PTGER3: variants seen among roughly 807,000 people sequenced by gnomAD.
PTGER3 encodes the protein prostaglandin E2 receptor EP3 subtype.
A neutral mutation model predicts 34.7 loss-of-function variants in PTGER3; 22 were observed. That is an observed-to-expected ratio of 0.63 (90% CI 0.45 to 0.91). PTGER3 has a LOEUF of 0.91. Among genes scored for constraint, PTGER3 ranks in the 40% least tolerant of loss-of-function variants. PTGER3 has a pLI of 0.00. For synonymous variants in PTGER3, 241 were observed against 230.1 expected (o/e 1.05, Z -0.43); for missense variants, 468 against 519.4 (o/e 0.90, Z 0.96).
intron 4 of PTGER3, among the ~76,000 whole-genome samples, chr1:70,940,015 C>A (rs559347077): frequency 3.9e-5 from 6 of 152,268 alleles, no homozygotes; most frequent in Non-Finnish European, 8.8e-5. Context: ...TTAAGCTCTG[C>A]TTCTCTTATA....
intron 2 of PTGER3, chr1:71,010,439 A>T: frequency 1.0e-6 from 1 of 984,254 alleles, no homozygotes; most frequent in Non-Finnish European, 1.2e-6. Context: ...ATAAATATGT[A>T]TTAGACAGTT....
At chr1:70,986,060 C>T (rs1654879558) in intron 2 of PTGER3, among the ~76,000 whole-genome samples, 1 of 152,088 alleles carries the variant, frequency 6.6e-6, no homozygotes, top group South Asian at 2.1e-4. Flanking sequence ...CCACCAAAAC[C>T]AAGATGGCGA....
chr1:70,923,834 C>CA (rs2100456127), intron 4 of PTGER3, among the ~76,000 whole-genome samples: 1 of 152,300 alleles, frequency 6.6e-6, no homozygotes, highest in South Asian at 2.1e-4. Context: ...TAATTTATGG[C>CA]AACATAGTTA....
intron 4 of PTGER3, among the ~76,000 whole-genome samples, chr1:70,945,863 G>A (rs1650180308): frequency 6.6e-6 from 1 of 151,920 alleles, no homozygotes; most frequent in Admixed American, 6.6e-5. Context: ...TTTTGCCTAG[G>A]GCTCATTTTT....
chr1:70,980,767 C>T (rs956317524), intron 2 of PTGER3, among the ~76,000 whole-genome samples: 1 of 152,134 alleles, frequency 6.6e-6, no homozygotes, highest in Non-Finnish European at 1.5e-5. Flanking sequence ...ATTTATTATG[C>T]TAGCCTCACC....
intron 2 of PTGER3, among the ~76,000 whole-genome samples, chr1:70,957,053 G>T (rs1469940202): frequency 1.3e-5 from 2 of 152,128 alleles, no homozygotes; most frequent in Admixed American, 1.3e-4. Flanking sequence ...ATTTGTCTGT[G>T]TACAGGACAG....
chr1:70,961,019 G>A (rs903807391), intron 2 of PTGER3, among the ~76,000 whole-genome samples: 2 of 152,128 alleles, frequency 1.3e-5, no homozygotes, highest in Non-Finnish European at 2.9e-5. Context: ...GTCTGGAGTG[G>A]GGTCCCAATA....
Position 71,046,939 on chromosome 1 carries a change from C to A in PTGER3, c.639G>T (p.Gly213=), listed in dbSNP as rs761004889. The A allele has an allele frequency of 7.5e-6, 12 of 1,607,752 alleles. No homozygotes were observed. In the South Asian group the frequency reaches 1.3e-4, roughly 18 times the overall value. The part of the protein sequence containing the change: ...WPGTWCFIST[G]RGGNGTSSSH... ...AAGAGCTAGTCCCGTTGCCCCCTCGCCCGGTGCTGATGAAGCACCACGTCC... is the reference window on the plus strand; with the variant it reads ...AAGAGCTAGTCCCGTTGCCCCCTCGACCGGTGCTGATGAAGCACCACGTCC... Residue 213 remains glycine (G), a synonymous_variant, in exon 1 of 4, where the codon GGG becomes GGT. Transcript: ENST00000306666.
intron 2 of PTGER3, chr1:71,011,933 T>C (rs1205285399): frequency 8.2e-7 from 1 of 1,221,548 alleles, no homozygotes; most frequent in Non-Finnish European, 1.0e-6. Flanking sequence ...TAGACCAAGA[T>C]CATTTATAAA....
intron 2 of PTGER3, among the ~76,000 whole-genome samples, chr1:71,002,466 T>C (rs968162370): frequency 6.6e-6 from 1 of 152,160 alleles, no homozygotes; most frequent in Non-Finnish European, 1.5e-5. Flanking sequence ...CACAAAACTT[T>C]AGAGAGCATT....
intron 4 of PTGER3, among the ~76,000 whole-genome samples, chr1:70,871,332 C>G (rs1325950): frequency 0.39 from 59,536 of 151,970 alleles, 13,677 homozygotes; most frequent in East Asian, 0.81. Flanking sequence ...CATGAGGACA[C>G]CACCAAGCCA....
chr1:71,023,624 AT>A (rs1280967227), intron 1 of PTGER3, among the ~76,000 whole-genome samples: 2 of 151,888 alleles, frequency 1.3e-5, no homozygotes, highest in Admixed American at 1.3e-4. Flanking sequence ...GAAAATTCTT[AT>A]CTTTTTCCTC....
intron 4 of PTGER3, among the ~76,000 whole-genome samples, chr1:70,872,219 T>C (rs1572510161): frequency 6.6e-6 from 1 of 152,220 alleles, no homozygotes; most frequent in African/African-American, 2.4e-5. Context: ...TTGTGGGAGA[T>C]GGTCGGTGTT....
chr1:70,862,049 T>C lies in PTGER3; in HGVS notation c.*24-9190A>G, dbSNP rs150258373. ...AAGTGGATGATTGAGAATAATTGAA[T>C]AAAACTGTTGTGAAAGCCCCATTAA... On this transcript the variant is annotated intron_variant, in intron 4 of 4. Transcript: ENST00000370931. 1.4e-3 allele frequency among the ~76,000 whole-genome samples: 206 copies of C among 152,038 alleles called. 2 individuals are homozygous for C. The highest frequency in any genetic ancestry group is 4.5e-3 in the African/African-American group (186 of 41,448).
chr1:70,870,596 C>A (rs1255710672), intron 4 of PTGER3, among the ~76,000 whole-genome samples: 1 of 152,174 alleles, frequency 6.6e-6, no homozygotes, highest in Non-Finnish European at 1.5e-5. Flanking sequence ...CATTTCTTTG[C>A]TCTGGTATCT....
intron 4 of PTGER3, among the ~76,000 whole-genome samples, chr1:70,931,437 C>G (rs1352312694): frequency 6.6e-6 from 1 of 152,244 alleles, no homozygotes; most frequent in Non-Finnish European, 1.5e-5. Flanking sequence ...TGTGGGGGCT[C>G]AGACTCCACA....
Position 70,953,058 on chromosome 1 carries a change from A to C in PTGER3, c.1106T>G (p.Leu369Ter). Residue 369 changes from leucine to a stop codon, truncating the protein, a stop_gained and splice_region_variant, in exon 4 of 4, where the codon TTA becomes TGA. Coordinates refer to the PTGER3 transcript ENST00000356595. LOFTEE classifies it low-confidence loss of function (END_TRUNC). ...CTGAGAGTTCTGCAAACTGCAGATT[A>C]ACTAACCACAGATCAAAATATTGAG... 3.2e-6 allele frequency: 5 copies of C among 1,585,212 alleles called. No homozygotes were observed. Among genetic ancestry groups the C allele is most frequent in the Non-Finnish European group, 4.3e-6 (5 of 1,167,764 alleles).
chr1:70,942,642 C>T (rs560286342), intron 4 of PTGER3, among the ~76,000 whole-genome samples: 7 of 152,286 alleles, frequency 4.6e-5, no homozygotes, highest in South Asian at 2.1e-4. Context: ...TTGTGCACAG[C>T]GCCCTCACCC....
At chr1:71,035,330 A>G (rs1250939802) in intron 1 of PTGER3, among the ~76,000 whole-genome samples, 4 of 152,126 alleles carry the variant, frequency 2.6e-5, no homozygotes, top group Non-Finnish European at 5.9e-5. Context: ...ATTTGACTAT[A>G]TCTATAGTTT....
Sources: gnomAD v4.1 joint callset for allele counts (sites outside exome capture counted in the v4.1 genomes callset) on GRCh38, gnomAD v4.1.1 for gene constraint, MANE v1.5 for transcripts, NCBI Gene and HGNC (gene_info 2026-07-23, HGNC 2026-07-21) for gene names.